The following GAK variants were observed in gnomAD, a reference collection of about 807,000 sequenced individuals.
The protein encoded by GAK is cyclin-G-associated kinase.
A neutral mutation model predicts 143.9 loss-of-function variants in GAK; 79 were observed. That is an observed-to-expected ratio of 0.55 (90% CI 0.46 to 0.66). GAK has a LOEUF of 0.66. Among genes scored for constraint, GAK ranks in the 30% least tolerant of loss-of-function variants. The pLI, the probability that GAK is intolerant of heterozygous loss-of-function variation, is 0.00. For missense variants in GAK, 1,693 were observed against 1,779.7 expected, an observed-to-expected ratio of 0.95 and a Z score of 0.88; for synonymous variants, 881 against 765.5, an observed-to-expected ratio of 1.15 and a Z score of -2.49.
At chr4:909,895 C>T (rs1721739728) in intron 4 of GAK, among the ~76,000 whole-genome samples, 1 of 152,180 alleles carries the variant, frequency 6.6e-6, no homozygotes, top group Non-Finnish European at 1.5e-5. Context: ...ACTGGGGCTA[C>T]CTGGCAGCAT....
Position 874,497 on chromosome 4 carries a change from G to A in GAK, c.2054+2033C>T, listed in dbSNP as rs1183112425. On this transcript the variant is annotated intron_variant, in intron 18 of 27. Coordinates refer to ENST00000314167, the MANE Select transcript of GAK (RefSeq NM_005255.4). Reference sequence around the variant, plus strand: ...TAATTTCACTGGATATAGAATTCCCGTATTTTTCTCTCAGCACTTTAGAGA... The same window carrying A: ...TAATTTCACTGGATATAGAATTCCCATATTTTTCTCTCAGCACTTTAGAGA... Among the ~76,000 whole-genome samples the A allele has an allele frequency of 2.0e-5, 3 of 152,186 alleles. No individual in the cohort carries two copies. The South Asian group carries it at 6.2e-4, about 32-fold the overall frequency.
chr4:906,971 A>G (rs1013128855), intron 4 of GAK, among the ~76,000 whole-genome samples: 10 of 151,968 alleles, frequency 6.6e-5, no homozygotes, highest in Non-Finnish European at 1.5e-4. Context: ...CTAAACGTGC[A>G]CCCTTCTCCT....
At position 893,308 on chromosome 4, in the gene GAK, G is replaced by A. The variant is rs1577200212; in HGVS notation, c.990+69C>T. On this transcript the variant is annotated intron_variant, in intron 9 of 27. Coordinates refer to ENST00000314167, the MANE Select transcript of GAK (RefSeq NM_005255.4). ...CATGTGCCTCCCTCCCCTCTGCGGG[G>A]GATCTGGGGCTCATGTGTGCCTCCT... 5 of 1,158,872 alleles carry A rather than the reference G, an allele frequency of 4.3e-6. No individual in the cohort carries two copies. In the East Asian group the frequency reaches 1.4e-4, roughly 32 times the overall value. The allele number at this position is 1,158,872 out of a possible 1,614,324, so 71.8% of individuals were successfully genotyped here.
intron 22 of GAK, 58 bp downstream of exon 22, chr4:866,306 G>A: frequency 6.5e-7 from 1 of 1,536,216 alleles, no homozygotes; most frequent in Non-Finnish European, 9.0e-7. Context: ...CCCACCAGAG[G>A]CTGCGGTCCT....
At chr4:865,027 G>A (rs373392709) in intron 23 of GAK, 95 bp downstream of exon 23, 34 of 1,486,998 alleles carry the variant, frequency 2.3e-5, no homozygotes, top group East Asian at 4.7e-5. Context: ...CCTTCTCTGC[G>A]CAGAGAGGGC....
chr4:900,911 A>C (rs1321559857), intron 5 of GAK, among the ~76,000 whole-genome samples: 3 of 152,092 alleles, frequency 2.0e-5, no homozygotes, highest in African/African-American at 7.2e-5. Context: ...CATGGGAGCG[A>C]AAGGGCCTGG....
intron 4 of GAK, among the ~76,000 whole-genome samples, chr4:911,088 C>T (rs1721974579): frequency 6.6e-6 from 1 of 152,186 alleles, no homozygotes; most frequent in Non-Finnish European, 1.5e-5. Context: ...ACCGGCCTCT[C>T]TTCCTGTCCT....
chr4:858,913 C>G (rs752795732), intron 24 of GAK, among the ~76,000 whole-genome samples: 3 of 152,308 alleles, frequency 2.0e-5, no homozygotes, highest in Non-Finnish European at 4.4e-5. Flanking sequence ...CGGGGGTCAC[C>G]GGCACCAACA....
Position 867,829 on chromosome 4 carries a change from G to A in GAK, c.2396-397C>T, listed in dbSNP as rs375776415. Among the ~76,000 whole-genome samples the A allele has an allele frequency of 4.1e-3, 624 of 152,356 alleles. 2 individuals carry two copies. The highest frequency in any genetic ancestry group is 0.015 in the African/African-American group (606 of 41,590). ...GCGAGTGCTGCAGAAGCTTCTGGGC[G>A]GGCGGTGGGGTGTTGTTCCTGAGGC... On this transcript the variant is annotated intron_variant, in intron 20 of 27. Transcript: ENST00000314167.
intron 4 of GAK, among the ~76,000 whole-genome samples, chr4:909,799 T>C (rs1445485121): frequency 6.6e-6 from 1 of 152,228 alleles, no homozygotes; most frequent in Non-Finnish European, 1.5e-5. Flanking sequence ...CCCCTTGTGC[T>C]GCCTTCAACT....
At chr4:892,341 GC>G (rs1256942570) in intron 9 of GAK, among the ~76,000 whole-genome samples, 1 of 152,184 alleles carries the variant, frequency 6.6e-6, no homozygotes, top group Non-Finnish European at 1.5e-5. Flanking sequence ...CTGCAGAGGG[GC>G]CCTGCGTGTC....
chr4:871,870 G>C (rs1346066467), intron 18 of GAK, among the ~76,000 whole-genome samples: 2 of 152,220 alleles, frequency 1.3e-5, no homozygotes, highest in Non-Finnish European at 2.9e-5. Flanking sequence ...AAACTGCACT[G>C]ATAAGCCTGG....
intron 7 of GAK, 151 bp from the exon 8 acceptor site, chr4:894,160 T>C (rs1560381734): frequency 2.2e-5 from 18 of 821,548 alleles, no homozygotes; most frequent in Non-Finnish European, 2.9e-5. Context: ...CACTGGGGAC[T>C]GCAGGGAACA....
rs1715587543 is a variant in GAK at position 883,463 on chromosome 4, A to G, written c.1256T>C (p.Val419Ala). The change falls in exon 13 of 28, where the codon GTG becomes GCG. Residue 419 changes from valine to alanine, a missense_variant and splice_region_variant. Val to Ala is a moderately conservative substitution (Grantham distance 64). Around this residue, in one of 2 missense-constraint regions of GAK, gnomAD observed 871 missense variants for 991.0 expected, o/e 0.88. Coordinates refer to ENST00000314167, the MANE Select transcript of GAK (RefSeq NM_005255.4). ...DISYITSRIAVMSFPAEGVES... is the reference protein window; with the variant it reads ...DISYITSRIAAMSFPAEGVES... ...CACACCTTCTGCTGGGAATGACATC[A>G]CTGAAACAAGCAGACCTGCGTCAGC... The G allele has an allele frequency of 6.2e-6, 10 of 1,613,254 alleles. No individual in the cohort carries two copies. The highest frequency in any genetic ancestry group is 2.2e-5 in the South Asian group (2 of 91,086).
chr4:932,028 G>C lies in GAK; in HGVS notation c.145+15C>G, dbSNP rs768109579. ...ACTCCGCGGCCGCACCCGCGCTGCC[G>C]ACCCGGGGCCTCACCTTCGGCCAGG... On this transcript the variant is annotated intron_variant, in intron 1 of 27. Transcript: ENST00000314167. This position sits in a 1 kb window ranked among gnomAD's most constrained non-coding sequence, Gnocchi z 4.0. 110 of 1,557,096 alleles carry C rather than the reference G, an allele frequency of 7.1e-5. 2 individuals are homozygous for C. In the Middle Eastern group the frequency reaches 1.2e-3, roughly 17 times the overall value.
chr4:859,246 C>A (rs905977227), intron 24 of GAK: 20 of 1,205,390 alleles, frequency 1.7e-5, no homozygotes, highest in Non-Finnish European at 2.1e-5. Context: ...CGACAGCTAG[C>A]ACGCTCCGAG....
intron 23 of GAK, among the ~76,000 whole-genome samples, chr4:860,347 C>CA (rs35426588): frequency 1.6e-3 from 212 of 135,038 alleles, no homozygotes; most frequent in South Asian, 6.8e-3. Context: ...CACTCTGTCT[C>CA]AAAAAAAAAA....
chr4:870,804 C>T lies in GAK; in HGVS notation c.2155G>A (p.Ala719Thr), dbSNP rs1712411807. 1 of 1,614,000 alleles carries T rather than the reference C, an allele frequency of 6.2e-7. No individual in the cohort carries two copies. The change falls in exon 19 of 28, where the codon GCC becomes ACC. Residue 719 changes from alanine to threonine, a missense_variant. Ala to Thr is a moderately conservative substitution (Grantham distance 58). Around this residue, in one of 2 missense-constraint regions of GAK, gnomAD observed 871 missense variants for 991.0 expected, o/e 0.88. Transcript: ENST00000314167. ...VEPRDRPSRE[A>T]PPWENSSMRG... is the part of the protein sequence containing the mutation. ...ATGCTCGAGTTCTCCCATGGTGGGG[C>T]TTCCCGGCTCGGCCTGTCCCTGGGC...
intron 18 of GAK, 63 bp downstream of exon 18, chr4:876,467 A>G: frequency 2.8e-6 from 4 of 1,434,990 alleles, no homozygotes; most frequent in East Asian, 2.3e-5. Context: ...ACCGGCCCAC[A>G]TGCAGGTGCT....
Sources: allele counts gnomAD v4.1 joint callset (sites outside exome capture counted in the v4.1 genomes callset), GRCh38; gene constraint gnomAD v4.1.1; regional missense constraint gnomAD v4.1.1; non-coding constraint Gnocchi (gnomAD v3.1); transcripts MANE v1.5; gene names NCBI Gene and HGNC (gene_info 2026-07-23, HGNC 2026-07-21).